ANTXR2: variants seen among roughly 807,000 people sequenced by gnomAD.
ANTXR2 encodes anthrax toxin receptor 2.
ANTXR2 carries 44 observed loss-of-function variants against 73.7 expected under a neutral mutation model. That is an observed-to-expected ratio of 0.60 (90% CI 0.47 to 0.77). ANTXR2 has a LOEUF of 0.77. ANTXR2 is among the 30% of genes least tolerant of loss of function. The probability of loss-of-function intolerance (pLI) is 0.00; values close to 1 mark genes in which losing one functional copy is unlikely to be tolerated. For missense variants in ANTXR2, 604 were observed against 592.5 expected (o/e 1.02, Z -0.20); for synonymous variants, 217 against 205.9 (o/e 1.05, Z -0.46).
Position 79,902,298 on chromosome 4 carries a change from T to C in ANTXR2, c.*5131A>G, listed in dbSNP as rs1404524095. 1 of 152,186 alleles carries C rather than the reference T, an allele frequency of 6.6e-6. No homozygotes were observed. Among genetic ancestry groups the C allele is most frequent in the East Asian group, 1.9e-4 (1 of 5,200 alleles). The allele number at this position is 152,186 out of a possible 1,614,324, so 9.4% of individuals were successfully genotyped here. The stretch of plus-strand genomic sequence containing the variant: ...TGCAAACTTTGTGAAAGGCTAGCAA[T>C]TGTAACATACTATGGATTTTAAGCT... On this transcript the variant is annotated 3_prime_UTR_variant, in exon 17 of 17. Coordinates refer to ENST00000403729, the MANE Select transcript of ANTXR2 (RefSeq NM_058172.6).
At chr4:79,991,369 T>C (rs1048576264) in intron 12 of ANTXR2, among the ~76,000 whole-genome samples, 2 of 152,096 alleles carry the variant, frequency 1.3e-5, no homozygotes, top group African/African-American at 4.8e-5. Flanking sequence ...TTGCTAATCA[T>C]TAGAGAAATG....
At position 80,056,011 on chromosome 4, in the gene ANTXR2, C is replaced by A; in HGVS notation, c.299G>T (p.Gly100Val). Residue 100 changes from glycine (G) to valine (V), a missense_variant and splice_region_variant, in exon 4 of 17, where the codon GGC (glycine) becomes GTC (valine). Gly to Val is a moderately radical substitution (Grantham distance 109, BLOSUM62 -3). Transcript: ENST00000403729. ...ATCCTCCAAGCCTTTACTGATTTTG[C>A]CTCTGAAAATAATATTAAACAAAAG... ...TIILPLTGDRGKISKGLEDLK... is the reference protein window; with the variant it reads ...TIILPLTGDRVKISKGLEDLK... 6.5e-7 allele frequency: 1 copy of A among 1,544,888 alleles called. No homozygotes were observed. Among genetic ancestry groups the A allele is most frequent in the East Asian group, 2.4e-5 (1 of 41,672 alleles).
intron 12 of ANTXR2, among the ~76,000 whole-genome samples, chr4:79,999,644 G>A (rs968057127): frequency 2.0e-5 from 3 of 151,974 alleles, no homozygotes; most frequent in African/African-American, 4.8e-5. Flanking sequence ...TAAAATATGA[G>A]ATATGGAAAT....
Position 80,055,362 on chromosome 4 carries a change from C to G in ANTXR2, c.484G>C (p.Glu162Gln). 6.2e-7 allele frequency: 1 copy of G among 1,609,336 alleles called. No individual in the cohort carries two copies. Among genetic ancestry groups the G allele is most frequent in the African/African-American group, 1.3e-5 (1 of 74,798 alleles). ...AACAGTCTCAGTTCAATACTCACCT[C>G]TTTCTCTGCATATGATGGCACCAGA... ...DGLVPSYAEK[E>Q]AKISRSLGAS... The change falls in exon 5 of 17, where the codon GAG becomes CAG. Residue 162 changes from glutamate (E) to glutamine (Q), a missense_variant and splice_region_variant. Glu to Gln is a conservative substitution (Grantham distance 29). Coordinates refer to ENST00000403729, the MANE Select transcript of ANTXR2 (RefSeq NM_058172.6).
At chr4:79,988,784 T>C (rs550453701) in intron 12 of ANTXR2, among the ~76,000 whole-genome samples, 1 of 152,130 alleles carries the variant, frequency 6.6e-6, no homozygotes, top group East Asian at 1.9e-4. Context: ...AACAAAATCA[T>C]ACCAATCACA....
chr4:79,985,835 ATTCTTT>A (rs1473640248), intron 12 of ANTXR2, among the ~76,000 whole-genome samples: 1 of 128,636 alleles, frequency 7.8e-6, no homozygotes, highest in Non-Finnish European at 1.7e-5. Flanking sequence ...TTCACAGTTA[ATTCTTT>A]TTTTTTTTTT....
chr4:79,975,188 T>A (rs1161050477), intron 16 of ANTXR2, among the ~76,000 whole-genome samples: 1 of 152,162 alleles, frequency 6.6e-6, no homozygotes, highest in African/African-American at 2.4e-5. Flanking sequence ...CTACCTATAT[T>A]CAAAGACAGG....
At chr4:79,978,819 T>C (rs972229861) in intron 14 of ANTXR2, among the ~76,000 whole-genome samples, 1 of 152,374 alleles carries the variant, frequency 6.6e-6, no homozygotes, top group East Asian at 1.9e-4. Flanking sequence ...AAGAGTTGCT[T>C]CTTCCAAACT....
intron 12 of ANTXR2, among the ~76,000 whole-genome samples, chr4:80,001,530 T>C (rs1016032564): frequency 6.6e-6 from 1 of 151,720 alleles, no homozygotes; most frequent in Non-Finnish European, 1.5e-5. Flanking sequence ...ATTCTGTTGA[T>C]TTGGGGTGGA....
At chr4:79,912,971 A>C (rs1727206898) in intron 16 of ANTXR2, among the ~76,000 whole-genome samples, 1 of 152,176 alleles carries the variant, frequency 6.6e-6, no homozygotes, top group Admixed American at 6.6e-5. Flanking sequence ...CTCGCATTCT[A>C]TGTTTTACCT....
intron 16 of ANTXR2, among the ~76,000 whole-genome samples, chr4:79,915,779 T>C (rs116480144): frequency 6.6e-6 from 1 of 151,384 alleles, no homozygotes; most frequent in African/African-American, 2.4e-5. Context: ...AAAAGGCATG[T>C]AGTATCACAT....
chr4:80,069,701 G>C (rs769223121), intron 2 of ANTXR2, among the ~76,000 whole-genome samples, 194 bp from the exon 3 acceptor site: 1 of 152,130 alleles, frequency 6.6e-6, no homozygotes, highest in Non-Finnish European at 1.5e-5. Context: ...TTTAGTCAAC[G>C]CTTCCCAGCA....
At chr4:80,031,539 A>G in intron 10 of ANTXR2, 84 bp downstream of exon 10, 1 of 1,095,560 alleles carries the variant, frequency 9.1e-7, no homozygotes, top group Non-Finnish European at 1.3e-6. Flanking sequence ...AAAAGATAGA[A>G]TAAAATGACC....
At chr4:80,068,726 A>C (rs1370287567) in intron 3 of ANTXR2, among the ~76,000 whole-genome samples, 1 of 152,120 alleles carries the variant, frequency 6.6e-6, no homozygotes, top group East Asian at 1.9e-4. Context: ...GAGCCAAGAT[A>C]GCACCACTGC....
intron 7 of ANTXR2, among the ~76,000 whole-genome samples, chr4:80,041,873 G>A (rs913404842): frequency 2.0e-5 from 3 of 152,084 alleles, no homozygotes; most frequent in African/African-American, 7.2e-5. Flanking sequence ...TATCATTGAT[G>A]GGCAACTGGG....
intron 16 of ANTXR2, among the ~76,000 whole-genome samples, chr4:79,957,402 A>C (rs1376054948): frequency 6.6e-6 from 1 of 152,138 alleles, no homozygotes; most frequent in African/African-American, 2.4e-5. Flanking sequence ...ATTTAAAGAT[A>C]ATCATTAAAG....
At chr4:80,032,107 T>C (rs1732725160) in intron 9 of ANTXR2, among the ~76,000 whole-genome samples, 1 of 151,782 alleles carries the variant, frequency 6.6e-6, no homozygotes, top group Non-Finnish European at 1.5e-5. Flanking sequence ...AATAAAACAT[T>C]TGTCTACAAT....
chr4:79,996,455 A>T (rs1730735455), intron 12 of ANTXR2, among the ~76,000 whole-genome samples: 1 of 152,046 alleles, frequency 6.6e-6, no homozygotes, highest in Non-Finnish European at 1.5e-5. Context: ...ACCATTTTAT[A>T]TAGATATAAC....
chr4:79,957,720 A>AT (rs916138938), intron 16 of ANTXR2, among the ~76,000 whole-genome samples: 8 of 152,044 alleles, frequency 5.3e-5, no homozygotes, highest in African/African-American at 1.2e-4. Context: ...CCTTGAAGCC[A>AT]TTTTTTGTGG....
Sources: gnomAD v4.1 joint callset for allele counts (sites outside exome capture counted in the v4.1 genomes callset) on GRCh38, gnomAD v4.1.1 for gene constraint, MANE v1.5 for transcripts, NCBI Gene and HGNC (gene_info 2026-07-23, HGNC 2026-07-21) for gene names.